Variants in MGST2 observed in about 807,000 individuals in gnomAD.
MGST2 encodes microsomal glutathione S-transferase 2, also known as glutathione peroxidase MGST2.
In MGST2, 9 loss-of-function variants were observed where a neutral mutation model predicts 16.6. The ratio of observed to expected loss-of-function variants is 0.54; its 90% CI spans 0.33 to 0.95. MGST2 has a LOEUF of 0.95. MGST2 is among the 40% of genes least tolerant of loss of function. The pLI is 0.03. For missense variants in MGST2, 159 were observed against 175.1 expected (o/e 0.91, Z 0.52); for synonymous variants, 79 against 68.0 (o/e 1.16, Z -0.79).
chr4:139,748,572 A>C, the MGST2 span, among the ~76,000 whole-genome samples: 1 of 152,216 alleles, frequency 6.6e-6, no homozygotes, highest in Non-Finnish European at 1.5e-5. Context: ...AGAAGAGGCC[A>C]AGAACAGACC....
intron 2 of MGST2, among the ~76,000 whole-genome samples, chr4:139,691,697 G>GATGATTATTATT (rs1462911789): frequency 8.9e-4 from 122 of 137,484 alleles, no homozygotes; most frequent in African/African-American, 3.5e-3. Context: ...TGATGATGAT[G>GATGATTATTATT]ATTATTATTA....
At chr4:139,739,560 T>C (rs535614998) in intron 5 of MGST2, among the ~76,000 whole-genome samples, 7 of 152,148 alleles carry the variant, frequency 4.6e-5, no homozygotes, top group Non-Finnish European at 1.0e-4. Context: ...TTAAATAAAT[T>C]ATGGTACATC....
chr4:139,716,842 C>CATT (rs908991194), intron 5 of MGST2: 1 of 152,458 alleles, frequency 6.6e-6, no homozygotes, highest in African/African-American at 2.4e-5. Flanking sequence ...GCGTTCTGTA[C>CATT]ATTTCTTAAA....
At position 139,698,417 on chromosome 4, in the gene MGST2, A is replaced by C. The variant is rs143489698; in HGVS notation, c.229+3150A>C. 1,503 of 1,534,418 alleles carry C rather than the reference A, an allele frequency of 9.8e-4. 18 individuals are homozygous for C. The African/African-American group carries it at 0.018, about 18-fold the overall frequency. On this transcript the variant is annotated intron_variant, in intron 3 of 4. Transcript: ENST00000265498. ...AACGTCTAATTTCACGGAGCGCCAC[A>C]GTACCAGGCCTGTAACGATGAGGTT... is the stretch of plus-strand genomic sequence containing the variant.
chr4:139,679,760 T>G (rs1291087379), intron 2 of MGST2, among the ~76,000 whole-genome samples: 1 of 151,910 alleles, frequency 6.6e-6, no homozygotes, highest in Admixed American at 6.6e-5. Flanking sequence ...TTGTAAGAGG[T>G]GTGTAGACTT....
chr4:139,750,564 G>C, the MGST2 span, among the ~76,000 whole-genome samples: 2 of 152,056 alleles, frequency 1.3e-5, no homozygotes, highest in South Asian at 2.1e-4. Context: ...ACCATATTAC[G>C]CCACATGATG....
rs866898975 is a variant in MGST2, at chr4:139,720,105, T to C, written c.*48+15909T>C. 9.9e-6 allele frequency: 16 copies of C among 1,613,984 alleles called. 1 individual carries two copies. The African/African-American group carries it at 1.3e-4, about 13-fold the overall frequency. ...TGGTTTGGATGCTGCAACATTTGGGTCATGCCTGTGCTCATATTGTACATT... is the reference window on the plus strand; with the variant it reads ...TGGTTTGGATGCTGCAACATTTGGGCCATGCCTGTGCTCATATTGTACATT... On this transcript the variant is annotated intron_variant, in intron 5 of 5. Coordinates refer to the MGST2 transcript ENST00000616265.
At chr4:139,707,520 A>G (rs1311319719), downstream of MGST2, among the ~76,000 whole-genome samples, 6 of 152,198 alleles carry the variant, frequency 3.9e-5, no homozygotes, top group Non-Finnish European at 8.8e-5. Context: ...ATACGTGTGC[A>G]TGTGTCTTTA....
At chr4:139,668,624 G>A (rs1462809564) in intron 1 of MGST2, among the ~76,000 whole-genome samples, 1 of 151,242 alleles carries the variant, frequency 6.6e-6, no homozygotes, top group Non-Finnish European at 1.5e-5. Flanking sequence ...AGGAGGGGGA[G>A]GGGGTAGAGG....
chr4:139,719,829 T>G, intron 5 of MGST2: 1 of 1,613,626 alleles, frequency 6.2e-7, no homozygotes, highest in Non-Finnish European at 8.5e-7. Flanking sequence ...CTCCCAGGCA[T>G]GCCCTGCAAG....
chr4:139,729,156 C>CAAAAAAAAAAA (rs4057275), intron 5 of MGST2, among the ~76,000 whole-genome samples: 7 of 81,704 alleles, frequency 8.6e-5, no homozygotes, highest in East Asian at 4.0e-4. Flanking sequence ...GGAACAAAAG[C>CAAAAAAAAAAA]AAAAAAAAAA....
At chr4:139,669,543 C>T (rs920060596) in intron 1 of MGST2, among the ~76,000 whole-genome samples, 11 of 152,170 alleles carry the variant, frequency 7.2e-5, no homozygotes, top group African/African-American at 1.9e-4. Flanking sequence ...CCCATGTAGG[C>T]GCTCAGCACT....
intron 1 of MGST2, among the ~76,000 whole-genome samples, chr4:139,667,010 A>G (rs1368930467): frequency 6.6e-6 from 1 of 152,248 alleles, no homozygotes; most frequent in Non-Finnish European, 1.5e-5. Flanking sequence ...GTTGTGGAGA[A>G]GAGCAGGATA....
intron 5 of MGST2, among the ~76,000 whole-genome samples, chr4:139,712,417 C>G (rs1727778794): frequency 6.6e-6 from 1 of 152,326 alleles, no homozygotes; most frequent in South Asian, 2.1e-4. Flanking sequence ...AGTTCTCGCT[C>G]CAGTTTCCCA....
At chr4:139,721,455 T>A (rs2110959322) in intron 5 of MGST2, among the ~76,000 whole-genome samples, 1 of 152,326 alleles carries the variant, frequency 6.6e-6, no homozygotes, top group South Asian at 2.1e-4. Context: ...AGCCAGTCAA[T>A]ATTCTAAGCA....
intron 3 of MGST2, among the ~76,000 whole-genome samples, chr4:139,702,845 T>TTTTTTTTTTTTTTTTTTTTTTTTTTG: frequency 1.6e-5 from 1 of 63,418 alleles, no homozygotes; most frequent in Non-Finnish European, 3.7e-5. Flanking sequence ...GTGTTACTGG[T>TTTTTTTTTTTTTTTTTTTTTTTTTTG]TTTTTTTTTT....
At chr4:139,720,186 C>G in intron 5 of MGST2, 1 of 1,614,022 alleles carries the variant, frequency 6.2e-7, no homozygotes, top group Non-Finnish European at 8.5e-7. Flanking sequence ...TCCGACTGCG[C>G]AGCTGCGGTG....
intron 1 of MGST2, among the ~76,000 whole-genome samples, chr4:139,666,974 G>A (rs1175810780): frequency 1.3e-5 from 2 of 152,188 alleles, no homozygotes; most frequent in African/African-American, 4.8e-5. Flanking sequence ...TCAGACTCAC[G>A]TTTTGTGGTT....
At chr4:139,708,605 C>T (rs1727611134), downstream of MGST2, among the ~76,000 whole-genome samples, 1 of 152,112 alleles carries the variant, frequency 6.6e-6, no homozygotes, top group Non-Finnish European at 1.5e-5. Flanking sequence ...TGAAGAAAGT[C>T]ATTGGTAGCT....
Sources: gnomAD v4.1 joint callset for allele counts (sites outside exome capture counted in the v4.1 genomes callset) on GRCh38, gnomAD v4.1.1 for gene constraint, MANE v1.5 for transcripts, NCBI Gene and HGNC (gene_info 2026-07-23, HGNC 2026-07-21) for gene names.